RPH3A: variants seen among roughly 807,000 people sequenced by gnomAD.
RPH3A encodes rabphilin-3A.
RPH3A carries 48 observed loss-of-function variants against 102.2 expected under a neutral mutation model. The observed-to-expected ratio is 0.47, with a 90% CI of 0.37 to 0.60. The LOEUF is 0.60. Ranked by LOEUF, RPH3A falls within the 20% of genes least tolerant of loss-of-function variation. The probability of loss-of-function intolerance (pLI) is 0.00; values close to 1 mark genes in which losing one functional copy is unlikely to be tolerated. For missense variants in RPH3A, 781 were observed against 910.1 expected (o/e 0.86, Z 1.83); for synonymous variants, 310 against 324.3 (o/e 0.96, Z 0.47).
chr12:112,704,680 C>T (rs552688062), intron 1 of RPH3A, among the ~76,000 whole-genome samples: 1 of 152,310 alleles, frequency 6.6e-6, no homozygotes, highest in African/African-American at 2.4e-5. Flanking sequence ...TCCTGCGATC[C>T]TGGGCCAACA....
intron 1 of RPH3A, among the ~76,000 whole-genome samples, chr12:112,663,289 A>G (rs984379032): frequency 6.6e-6 from 1 of 152,028 alleles, no homozygotes; most frequent in African/African-American, 2.4e-5. Context: ...GGCTCACTGC[A>G]GCCTTGAACT....
intron 1 of RPH3A, among the ~76,000 whole-genome samples, chr12:112,668,450 G>A (rs966602444): frequency 6.6e-6 from 1 of 152,060 alleles, no homozygotes; most frequent in Non-Finnish European, 1.5e-5. Flanking sequence ...ATAAAATGTG[G>A]CACATATACA....
chr12:112,672,315 G>A (rs890919137), intron 1 of RPH3A, among the ~76,000 whole-genome samples: 8 of 152,142 alleles, frequency 5.3e-5, no homozygotes, highest in Non-Finnish European at 8.8e-5. Context: ...ACATTACAGA[G>A]GGTAATCAGC....
intron 1 of RPH3A, among the ~76,000 whole-genome samples, chr12:112,772,702 C>A (rs1158384509): frequency 6.6e-6 from 1 of 150,820 alleles, no homozygotes; most frequent in East Asian, 1.9e-4. Context: ...TTCTCTTAGG[C>A]TTGCACAGAA....
At chr12:112,603,839 T>C (rs1309909975) in intron 1 of RPH3A, among the ~76,000 whole-genome samples, 1 of 152,160 alleles carries the variant, frequency 6.6e-6, no homozygotes, top group African/African-American at 2.4e-5. Context: ...CTGGTTTGAA[T>C]GCCTCTGACA....
intron 14 of RPH3A, among the ~76,000 whole-genome samples, chr12:112,880,478 A>C (rs2042889895): frequency 6.6e-6 from 1 of 152,196 alleles, no homozygotes; most frequent in African/African-American, 2.4e-5. Flanking sequence ...TTAGAAAGTT[A>C]AAGTCTGAGC....
intron 1 of RPH3A, among the ~76,000 whole-genome samples, chr12:112,616,216 G>A (rs1261854615): frequency 1.3e-5 from 2 of 152,096 alleles, no homozygotes; most frequent in Admixed American, 1.3e-4. Flanking sequence ...GCATGGTCTC[G>A]GCTCACTGCA....
chr12:112,653,908 T>A (rs2135998893), intron 1 of RPH3A, among the ~76,000 whole-genome samples: 1 of 152,372 alleles, frequency 6.6e-6, no homozygotes, highest in East Asian at 1.9e-4. Context: ...TTTTAAACTT[T>A]TTTTTGTTAA....
intron 1 of RPH3A, among the ~76,000 whole-genome samples, chr12:112,780,290 C>G (rs1205003651): frequency 1.3e-5 from 2 of 152,082 alleles, no homozygotes; most frequent in Non-Finnish European, 1.5e-5. Context: ...CTAGTGTAGC[C>G]ATCACCCAAA....
intron 1 of RPH3A, among the ~76,000 whole-genome samples, chr12:112,741,940 C>CA (rs774300326): frequency 1.1e-4 from 16 of 152,240 alleles, no homozygotes; most frequent in Non-Finnish European, 2.2e-4. Flanking sequence ...TGTGATTTTG[C>CA]ACGTACTAAA....
At chr12:112,786,805 G>A (rs753887644), upstream of RPH3A, among the ~76,000 whole-genome samples, 5 of 152,190 alleles carry the variant, frequency 3.3e-5, no homozygotes, top group Non-Finnish European at 7.3e-5. Flanking sequence ...TTCCTATGCT[G>A]CTGTAACAAA....
chr12:112,599,977 C>T (rs1252468008), intron 1 of RPH3A, among the ~76,000 whole-genome samples: 1 of 152,164 alleles, frequency 6.6e-6, no homozygotes, highest in Admixed American at 6.6e-5. Context: ...ACAGTGTCTG[C>T]CTCCGGAGTT....
intron 1 of RPH3A, among the ~76,000 whole-genome samples, chr12:112,778,863 A>G (rs535907368): frequency 6.6e-6 from 1 of 152,298 alleles, no homozygotes; most frequent in South Asian, 2.1e-4. Flanking sequence ...TGCACTAATC[A>G]TTGTGGCCAG....
chr12:112,784,679 G>A (rs1221487756), intron 1 of RPH3A, among the ~76,000 whole-genome samples: 1 of 152,212 alleles, frequency 6.6e-6, no homozygotes, highest in Non-Finnish European at 1.5e-5. Context: ...GGAATGTCCA[G>A]TCTGATGGGG....
chr12:112,655,698 T>A (rs1176858052), intron 1 of RPH3A, among the ~76,000 whole-genome samples: 1 of 149,532 alleles, frequency 6.7e-6, no homozygotes, highest in African/African-American at 2.5e-5. Context: ...AGCCTCCCGA[T>A]TAGCTGGGAT....
intron 1 of RPH3A, among the ~76,000 whole-genome samples, chr12:112,653,518 G>A (rs973407081): frequency 6.6e-5 from 10 of 152,076 alleles, no homozygotes; most frequent in African/African-American, 2.2e-4. Flanking sequence ...GGACATTACT[G>A]TGCACTGCTG....
intron 1 of RPH3A, among the ~76,000 whole-genome samples, chr12:112,727,458 G>GACACAC (rs60493848): frequency 0.035 from 1,060 of 30,522 alleles, 28 homozygotes; most frequent in East Asian, 0.22. Flanking sequence ...CACAGACACA[G>GACACAC]ACACACACAC....
rs201956406 is a variant in RPH3A, at chr12:112,831,557, C to CT, written c.71+3179dup. On this transcript the variant is annotated intron_variant, in intron 3 of 21. Coordinates refer to ENST00000389385, the MANE Select transcript of RPH3A (RefSeq NM_001143854.2). ...ATTAGACATTATTATTTTATACTGGCTTTTTTTTTTTAATTTGCCTGTCTT... is the reference window on the plus strand; with the variant it reads ...ATTAGACATTATTATTTTATACTGGCTTTTTTTTTTTTAATTTGCCTGTCTT... 6.1e-3 allele frequency among the ~76,000 whole-genome samples: 883 copies of CT among 145,574 alleles called. 5 individuals carry two copies. Among genetic ancestry groups the CT allele is most frequent in the East Asian group, 0.02 (99 of 5,012 alleles).
chr12:112,639,182 A>T (rs2039868109), intron 1 of RPH3A, among the ~76,000 whole-genome samples: 1 of 152,114 alleles, frequency 6.6e-6, no homozygotes, highest in Admixed American at 6.5e-5. Flanking sequence ...CAGGCAAGGG[A>T]CTGGTAAGTA....
Sources: gnomAD v4.1 joint callset for allele counts (sites outside exome capture counted in the v4.1 genomes callset) on GRCh38, gnomAD v4.1.1 for gene constraint, MANE v1.5 for transcripts, NCBI Gene and HGNC (gene_info 2026-07-23, HGNC 2026-07-21) for gene names.